ZNF30: variants seen among roughly 807,000 people sequenced by gnomAD.
The protein encoded by ZNF30 is zinc finger protein 30, also known as zinc finger protein 30 (KOX 28).
ZNF30 carries 15 observed loss-of-function variants against 13.2 expected under a neutral mutation model. That is an observed-to-expected ratio of 1.13 (90% CI 0.76 to 1.75). ZNF30 has a LOEUF of 1.75. Among genes scored for constraint, ZNF30 ranks in the 40% most tolerant of loss-of-function variants. ZNF30 has a pLI of 0.00. For missense variants in ZNF30, 726 were observed against 757.0 expected, an observed-to-expected ratio of 0.96 and a Z score of 0.48; for synonymous variants, 223 against 256.6, an observed-to-expected ratio of 0.87 and a Z score of 1.25.
At chr19:34,938,388 A>T (rs954596009) in intron 4 of ZNF30, among the ~76,000 whole-genome samples, 1 of 151,844 alleles carries the variant, frequency 6.6e-6, no homozygotes, top group Non-Finnish European at 1.5e-5. Flanking sequence ...TTTCTTTTTT[A>T]TTTTTTTATA....
At chr19:34,932,076 C>T in intron 3 of ZNF30, 83 bp downstream of exon 3, 1 of 1,244,546 alleles carries the variant, frequency 8.0e-7, no homozygotes. Flanking sequence ...AGCTTAAGAA[C>T]TGAACACGAT....
At chr19:34,937,562 C>T (rs1303365397) in intron 4 of ZNF30, among the ~76,000 whole-genome samples, 2 of 151,844 alleles carry the variant, frequency 1.3e-5, no homozygotes, top group East Asian at 3.9e-4. Flanking sequence ...CAGGACCCCC[C>T]ATCTCTACAA....
At position 34,942,953 on chromosome 19, in the gene ZNF30, A is replaced by G. The variant is rs534623688; in HGVS notation, c.257-270A>G. Among the ~76,000 whole-genome samples the G allele has an allele frequency of 7.2e-5, 11 of 152,324 alleles. No homozygotes were observed. In the East Asian group the frequency reaches 2.1e-3, roughly 29 times the overall value. ...CCTATGTCTGATTCAGAGGGGCGGGATGCTGCTTGAACATCCATTTTTTAA... is the reference window on the plus strand; with the variant it reads ...CCTATGTCTGATTCAGAGGGGCGGGGTGCTGCTTGAACATCCATTTTTTAA... On this transcript the variant is annotated intron_variant, in intron 4 of 4. Transcript: ENST00000601142.
At position 34,929,928 on chromosome 19, in the gene ZNF30, G is replaced by A; in HGVS notation, c.-20G>A. The stretch of plus-strand genomic sequence containing the variant: ...GAGGAACCCCAGTGAAGACTGATCA[G>A]TTCTTACAATTCTCAAAGCATGGCC... On this transcript the variant is annotated 5_prime_UTR_variant, in exon 2 of 5. Transcript: ENST00000601142. The A allele has an allele frequency of 6.2e-7, 1 of 1,606,022 alleles. No homozygotes were observed. Among genetic ancestry groups the A allele is most frequent in the East Asian group, 2.2e-5 (1 of 44,810 alleles).
At chr19:34,930,502 T>C (rs2012390286) in intron 2 of ZNF30, among the ~76,000 whole-genome samples, 4 of 152,276 alleles carry the variant, frequency 2.6e-5, no homozygotes, top group African/African-American at 9.6e-5. Flanking sequence ...GAATGGGACC[T>C]GCCAGACTTG....
At position 34,943,442 on chromosome 19, in the gene ZNF30, A is replaced by G. The variant is rs1277223151; in HGVS notation, c.476A>G (p.Asn159Ser). The G allele has an allele frequency of 6.2e-7, 1 of 1,613,870 alleles. No individual in the cohort carries two copies. Among genetic ancestry groups the G allele is most frequent in the Admixed American group, 1.7e-5 (1 of 60,016 alleles). Reference protein sequence around the residue: ...RCKECGKNFSNGHQLTIHQRL... With the variant: ...RCKECGKNFSSGHQLTIHQRL... ...AAAGAATGTGGGAAGAACTTTAGTA[A>G]TGGACATCAACTCACCATACATCAG... Residue 159 changes from asparagine to serine, a missense_variant, in exon 5 of 5, where the codon AAT becomes AGT. Asn to Ser is a conservative substitution (Grantham distance 46). Transcript: ENST00000601142.
chr19:34,924,758 T>C (rs944527233), upstream of ZNF30, among the ~76,000 whole-genome samples: 1 of 152,182 alleles, frequency 6.6e-6, no homozygotes, highest in Admixed American at 6.5e-5. Flanking sequence ...AGATACCCAA[T>C]GAGTTTCAGA....
intron 3 of ZNF30, among the ~76,000 whole-genome samples, chr19:34,933,024 G>T (rs184283670): frequency 4.9e-4 from 75 of 151,840 alleles, no homozygotes; most frequent in African/African-American, 1.7e-3. Flanking sequence ...CAAGTAATCT[G>T]CCCACCTGGC....
chr19:34,931,699 A>C, intron 2 of ZNF30, 144 bp from the exon 3 acceptor site: 1 of 728,990 alleles, frequency 1.4e-6, no homozygotes, highest in Non-Finnish European at 2.2e-6. Context: ...GGATTCTTCC[A>C]GAACATGCAG....
intron 1 of ZNF30, among the ~76,000 whole-genome samples, chr19:34,928,730 G>A (rs1252487897): frequency 6.6e-6 from 1 of 151,944 alleles, no homozygotes; most frequent in Non-Finnish European, 1.5e-5. Context: ...CTACTTGGGA[G>A]GCTCCCAGGA....
At chr19:34,943,117 A>C in intron 4 of ZNF30, 106 bp from the exon 5 acceptor site, 1 of 760,902 alleles carries the variant, frequency 1.3e-6, no homozygotes, top group Non-Finnish European at 2.0e-6. Context: ...TTTTAATATT[A>C]CTGAGCTATT....
intron 1 of ZNF30, among the ~76,000 whole-genome samples, chr19:34,929,600 A>G (rs2012328065): frequency 6.6e-6 from 1 of 152,216 alleles, no homozygotes; most frequent in Admixed American, 6.5e-5. Context: ...AATCTGTTCA[A>G]GAGAAGACTG....
rs1345658 is a variant in ZNF30, at chr19:34,944,102, G to A, written c.1136G>A (p.Arg379Lys). 0.5 allele frequency: 812,987 copies of A among 1,613,622 alleles called. 212,553 individuals carry two copies. The highest frequency in any genetic ancestry group is 0.88 in the African/African-American group (65,672 of 74,934). Reference sequence around the variant, plus strand: ...CCCTACGGATGCAAGGAATGCGGGAGAACCTTCAGTCGTGCCTCATATCTT... The same window carrying A: ...CCCTACGGATGCAAGGAATGCGGGAAAACCTTCAGTCGTGCCTCATATCTT... ...IKPYGCKECG[R>K]TFSRASYLVQ... is the part of the protein sequence containing the mutation. The change falls in exon 5 of 5, where the codon AGA (arginine) becomes AAA (lysine). Residue 379 changes from arginine to lysine, a missense_variant. Arg to Lys is a conservative substitution (Grantham distance 26, BLOSUM62 2). Coordinates refer to ENST00000601142, the MANE Select transcript of ZNF30 (RefSeq NM_194325.3).
intron 4 of ZNF30, among the ~76,000 whole-genome samples, chr19:34,941,328 G>A (rs1197110669): frequency 5.3e-5 from 8 of 152,258 alleles, no homozygotes; most frequent in South Asian, 4.1e-4. Flanking sequence ...GCAATGGCGC[G>A]ATCTTGGCTT....
intron 4 of ZNF30, among the ~76,000 whole-genome samples, chr19:34,936,524 T>A (rs1329838968): frequency 6.6e-6 from 1 of 152,088 alleles, no homozygotes; most frequent in Non-Finnish European, 1.5e-5. Flanking sequence ...TGACTCCTGC[T>A]CATCCAAGCA....
Position 34,944,350 on chromosome 19 carries a change from G to A in ZNF30, c.1384G>A (p.Gly462Ser), listed in dbSNP as rs868815078. The change falls in exon 5 of 5, where the codon GGC (glycine) becomes AGC (serine). Residue 462 changes from glycine to serine, a missense_variant. Transcript: ENST00000601142. ...GEKPYECKEC[G>S]KAFRVHVHLT... is the part of the protein sequence containing the mutation. ...GAAACCCTATGAGTGTAAGGAATGT[G>A]GCAAGGCCTTCAGAGTGCACGTACA... The A allele has an allele frequency of 4.3e-6, 7 of 1,614,206 alleles. No individual in the cohort carries two copies. In the African/African-American group the frequency reaches 9.3e-5, roughly 22 times the overall value.
chr19:34,939,169 G>A (rs2546010), intron 4 of ZNF30, among the ~76,000 whole-genome samples: 3 of 28,414 alleles, frequency 1.1e-4, no homozygotes, highest in Admixed American at 4.1e-4. Context: ...CCCTCCCTCC[G>A]CTCCCCTCCC....
Position 34,944,486 on chromosome 19 carries a change from C to T in ZNF30, c.1520C>T (p.Thr507Ile). The change falls in exon 5 of 5, where the codon ACT becomes ATT. Residue 507 changes from threonine to isoleucine, a missense_variant. By Grantham distance (89) the Thr-to-Ile change is moderately conservative (BLOSUM62 -1). Transcript: ENST00000601142. Reference protein sequence around the residue: ...SYLVQHSRIHTGKKPYECKEC... With the variant: ...SYLVQHSRIHIGKKPYECKEC... ...CTTGTACAACATAGCAGAATCCATA[C>T]TGGTAAGAAGCCCTATGAGTGTAAG... 2.5e-6 allele frequency: 4 copies of T among 1,613,856 alleles called. No homozygotes were observed. Among genetic ancestry groups the T allele is most frequent in the East Asian group, 2.2e-5 (1 of 44,866 alleles).
chr19:34,928,811 C>T (rs1422161360), intron 1 of ZNF30, among the ~76,000 whole-genome samples: 3 of 151,874 alleles, frequency 2.0e-5, no homozygotes, highest in Non-Finnish European at 4.4e-5. Flanking sequence ...GACCCTGTCT[C>T]AAACAAACAA....
Sources: gnomAD v4.1 joint callset for allele counts (sites outside exome capture counted in the v4.1 genomes callset) on GRCh38, gnomAD v4.1.1 for gene constraint, MANE v1.5 for transcripts, NCBI Gene and HGNC (gene_info 2026-07-23, HGNC 2026-07-21) for gene names.